Variants in ARHGEF3 observed in about 807,000 individuals in gnomAD.
ARHGEF3 encodes 59.8 kDA protein.
Under a neutral mutation model 63.2 loss-of-function variants are expected in ARHGEF3, and 28 were observed. That is an observed-to-expected ratio of 0.44 (90% CI 0.33 to 0.61). The LOEUF (loss-of-function observed/expected upper bound fraction) is 0.61, where lower values mean the gene tolerates loss of function less well. Among genes scored for constraint, ARHGEF3 ranks in the 20% least tolerant of loss-of-function variants. The probability of loss-of-function intolerance (pLI) is 0.03; values close to 1 mark genes in which losing one functional copy is unlikely to be tolerated. For missense variants in ARHGEF3, 533 were observed against 659.3 expected, an observed-to-expected ratio of 0.81 and a Z score of 2.10; for synonymous variants, 266 against 254.2, an observed-to-expected ratio of 1.05 and a Z score of -0.44.
At chr3:57,008,187 A>C (rs1373635290) in intron 2 of ARHGEF3, among the ~76,000 whole-genome samples, 1 of 152,204 alleles carries the variant, frequency 6.6e-6, no homozygotes, top group Admixed American at 6.5e-5. Flanking sequence ...CAGCAAAATT[A>C]AATCTGTGAG....
chr3:56,881,328 G>A (rs896133675), intron 4 of ARHGEF3, among the ~76,000 whole-genome samples: 1 of 152,138 alleles, frequency 6.6e-6, no homozygotes, highest in Non-Finnish European at 1.5e-5. Context: ...GAGCGAGCAC[G>A]GCCTAATGTT....
chr3:57,067,470 A>C (rs544081086), intron 1 of ARHGEF3, among the ~76,000 whole-genome samples: 2 of 147,816 alleles, frequency 1.4e-5, no homozygotes, highest in Admixed American at 6.8e-5. Flanking sequence ...TAATAATAAT[A>C]ATAATAATAA....
Position 56,935,211 on chromosome 3 carries a change from C to T in ARHGEF3, c.129+23612G>A, listed in dbSNP as rs568377572. Among the ~76,000 whole-genome samples the T allele has an allele frequency of 2.0e-5, 3 of 152,304 alleles. No homozygotes were observed. In the East Asian group the frequency reaches 5.8e-4, roughly 29 times the overall value. On this transcript the variant is annotated intron_variant, in intron 3 of 12. Transcript: ENST00000338458. ...CCAATCGACACTCTGTATCTAGCTA[C>T]TCTGGTGGGGCCTTGGAGAACCTTT...
intron 1 of ARHGEF3, chr3:57,074,188 A>G (rs773776146): frequency 1.2e-6 from 2 of 1,614,026 alleles, no homozygotes; most frequent in Admixed American, 3.3e-5. Flanking sequence ...CGTTCAAACC[A>G]ACTGACATTT....
intron 6 of ARHGEF3, 57 bp from the exon 7 acceptor site, chr3:56,745,519 T>C (rs2034322933): frequency 6.3e-7 from 1 of 1,577,850 alleles, no homozygotes; most frequent in East Asian, 2.2e-5. Flanking sequence ...GCTCTGAGGC[T>C]ACGGTGGCAT....
At chr3:57,016,030 G>A (rs1307921416) in intron 2 of ARHGEF3, among the ~76,000 whole-genome samples, 1 of 152,120 alleles carries the variant, frequency 6.6e-6, no homozygotes, top group Admixed American at 6.5e-5. Flanking sequence ...AGTTCACAGA[G>A]CAGACCATGC....
intron 5 of ARHGEF3, 21 bp downstream of exon 5, chr3:56,751,279 A>C (rs1242474104): frequency 1.3e-6 from 2 of 1,597,490 alleles, no homozygotes; most frequent in Admixed American, 1.7e-5. Flanking sequence ...GTCACGACTC[A>C]TCCTGGGAAC....
At chr3:57,067,827 A>AAG (rs1705645934) in intron 1 of ARHGEF3, among the ~76,000 whole-genome samples, 1 of 150,422 alleles carries the variant, frequency 6.6e-6, no homozygotes, top group Non-Finnish European at 1.5e-5. Context: ...AAAAAAAAAA[A>AAG]CAAAACAAAA....
At chr3:56,795,555 C>T (rs1024414919) in intron 1 of ARHGEF3, among the ~76,000 whole-genome samples, 3 of 152,000 alleles carry the variant, frequency 2.0e-5, no homozygotes, top group Non-Finnish European at 4.4e-5. Flanking sequence ...ACAGAAAGTC[C>T]GGGCACAAGT....
At chr3:57,028,790 T>C (rs1054595486) in intron 2 of ARHGEF3, among the ~76,000 whole-genome samples, 6 of 152,058 alleles carry the variant, frequency 3.9e-5, no homozygotes, top group East Asian at 1.9e-4. Flanking sequence ...GTTGCGACGA[T>C]GTTTGGAGCC....
intron 3 of ARHGEF3, among the ~76,000 whole-genome samples, chr3:56,951,409 A>C (rs1560078280): frequency 6.6e-6 from 1 of 152,044 alleles, no homozygotes; most frequent in Non-Finnish European, 1.5e-5. Context: ...TTTGCATTGA[A>C]GTATTTTTAA....
At chr3:57,045,956 TATCATTC>T (rs1266931232) in intron 1 of ARHGEF3, among the ~76,000 whole-genome samples, 1 of 152,238 alleles carries the variant, frequency 6.6e-6, no homozygotes, top group Non-Finnish European at 1.5e-5. Context: ...TTTGTCTCGT[TATCATTC>T]ATTACTTGCA....
chr3:56,778,686 AC>A (rs961428103), intron 1 of ARHGEF3, among the ~76,000 whole-genome samples: 22 of 152,134 alleles, frequency 1.4e-4, no homozygotes, highest in African/African-American at 5.3e-4. Flanking sequence ...GGTGCTCACC[AC>A]CATGCCTGGC....
chr3:56,800,371 T>C (rs1246304798), intron 1 of ARHGEF3, among the ~76,000 whole-genome samples: 6 of 152,190 alleles, frequency 3.9e-5, no homozygotes, highest in Non-Finnish European at 7.3e-5. Flanking sequence ...CTGAATTCTA[T>C]GCAAATGCCA....
chr3:56,773,690 C>T lies in ARHGEF3; in HGVS notation c.204+19G>A. On this transcript the variant is annotated intron_variant, in intron 2 of 9. Transcript: ENST00000296315. ...CACCATGATTTTCTGCAACCACAGG[C>T]CCTGTGTGCCCTTCTTACCTGCAGG... is the stretch of plus-strand genomic sequence containing the variant. 6.4e-7 allele frequency: 1 copy of T among 1,552,112 alleles called. No homozygotes were observed. The highest frequency in any genetic ancestry group is 8.7e-7 in the Non-Finnish European group (1 of 1,153,420).
At chr3:56,928,818 A>G (rs1351814651) in intron 3 of ARHGEF3, among the ~76,000 whole-genome samples, 2 of 152,220 alleles carry the variant, frequency 1.3e-5, no homozygotes, top group African/African-American at 4.8e-5. Context: ...CAGAACAAAG[A>G]AAACAGCAGC....
chr3:57,075,135 G>A (rs1339174394), intron 1 of ARHGEF3: 2 of 167,088 alleles, frequency 1.2e-5, no homozygotes, highest in East Asian at 1.9e-4. Flanking sequence ...ATTTGTCTGG[G>A]TTTCTGCTCC....
At chr3:56,814,530 T>C (rs941649794) in intron 4 of ARHGEF3, among the ~76,000 whole-genome samples, 11 of 152,190 alleles carry the variant, frequency 7.2e-5, no homozygotes, top group Non-Finnish European at 1.3e-4. Context: ...AATGGGGATA[T>C]GAGAGTTTCA....
chr3:56,740,422 G>T (rs559839069), intron 7 of ARHGEF3, among the ~76,000 whole-genome samples: 67 of 152,084 alleles, frequency 4.4e-4, no homozygotes, highest in African/African-American at 1.5e-3. Flanking sequence ...AGAACACTTT[G>T]GTATACTTTC....
Sources: gnomAD v4.1 joint callset for allele counts (sites outside exome capture counted in the v4.1 genomes callset) on GRCh38, gnomAD v4.1.1 for gene constraint, MANE v1.5 for transcripts, NCBI Gene and HGNC (gene_info 2026-07-23, HGNC 2026-07-21) for gene names.